HNRNPC: variants seen among roughly 807,000 people sequenced by gnomAD.
The protein encoded by HNRNPC is heterogeneous nuclear ribonucleoproteins C1/C2.
Under a neutral mutation model 33.2 loss-of-function variants are expected in HNRNPC, and 3 were observed. The ratio of observed to expected loss-of-function variants is 0.09; its 90% CI spans 0.04 to 0.23. The LOEUF (loss-of-function observed/expected upper bound fraction) is 0.23, where lower values mean the gene tolerates loss of function less well. Ranked by LOEUF, HNRNPC falls within the 10% of genes least tolerant of loss-of-function variation. The pLI is 1.00. For synonymous variants in HNRNPC, 121 were observed against 126.7 expected (o/e 0.96, Z 0.30); for missense variants, 143 against 366.7 (o/e 0.39, Z 4.98).
At chr14:21,262,466 G>C (rs1878402019) in intron 2 of HNRNPC, 1 of 152,216 alleles carries the variant, frequency 6.6e-6, no homozygotes, top group South Asian at 2.1e-4. Context: ...GTCCCCCTTG[G>C]GAAACACCTC....
At chr14:21,267,095 CAAAAAAAAAAAAAAAAAAA>C (rs56203257) in intron 1 of HNRNPC, among the ~76,000 whole-genome samples, 2 of 104,050 alleles carry the variant, frequency 1.9e-5, no homozygotes, top group African/African-American at 3.6e-5. Flanking sequence ...GACTCCGTCT[CAAAAAAAAAAAAAAAAAAA>C]AAAAAAAAAA....
intron 2 of HNRNPC, among the ~76,000 whole-genome samples, chr14:21,260,362 TCTTA>T (rs1249428821): frequency 7.8e-6 from 1 of 128,654 alleles, no homozygotes; most frequent in Non-Finnish European, 1.6e-5. Flanking sequence ...CGAGACTCCG[TCTTA>T]TTTAAAAAAA....
At chr14:21,239,644 C>T (rs8012227) in intron 2 of HNRNPC, among the ~76,000 whole-genome samples, 23,275 of 152,080 alleles carry the variant, frequency 0.15, 2,262 homozygotes, top group South Asian at 0.23. Flanking sequence ...GAGGCTGAGG[C>T]GAGCAAATCA....
intron 5 of HNRNPC, among the ~76,000 whole-genome samples, chr14:21,229,028 T>G (rs1159378428): frequency 6.8e-6 from 1 of 146,152 alleles, no homozygotes; most frequent in Non-Finnish European, 1.5e-5. Context: ...TATGTTGCAG[T>G]GAGCCAAAAT....
At chr14:21,232,650 A>G (rs1894241988) in intron 3 of HNRNPC, among the ~76,000 whole-genome samples, 1 of 152,192 alleles carries the variant, frequency 6.6e-6, no homozygotes, top group African/African-American at 2.4e-5. Context: ...TACAGGCATG[A>G]GCCACCGAAC....
chr14:21,221,208 T>C (rs1892792179), intron 5 of HNRNPC, among the ~76,000 whole-genome samples: 1 of 152,244 alleles, frequency 6.6e-6, no homozygotes, highest in African/African-American at 2.4e-5. Context: ...TACAGATGAC[T>C]TTCTCCTATT....
chr14:21,216,584 C>G (rs1220106043), intron 5 of HNRNPC, among the ~76,000 whole-genome samples: 1 of 152,056 alleles, frequency 6.6e-6, no homozygotes, highest in Non-Finnish European at 1.5e-5. Flanking sequence ...TGGCACATTC[C>G]TATAATCTCA....
intron 2 of HNRNPC, among the ~76,000 whole-genome samples, chr14:21,251,402 G>A (rs1896657345): frequency 6.6e-6 from 1 of 152,004 alleles, no homozygotes; most frequent in Non-Finnish European, 1.5e-5. Context: ...CTTGCAGCCA[G>A]GTGTGGTGGC....
chr14:21,238,394 A>C (rs1894963102), intron 2 of HNRNPC, among the ~76,000 whole-genome samples: 1 of 152,228 alleles, frequency 6.6e-6, no homozygotes, highest in Non-Finnish European at 1.5e-5. Flanking sequence ...ACAGTACAGA[A>C]ACACATCAAA....
At chr14:21,229,078 C>T (rs1893802066) in intron 5 of HNRNPC, among the ~76,000 whole-genome samples, 1 of 137,936 alleles carries the variant, frequency 7.2e-6, no homozygotes, top group African/African-American at 2.7e-5. Flanking sequence ...GAGGAAAATT[C>T]CGTATTTAAA....
intron 4 of HNRNPC, 177 bp downstream of exon 4, chr14:21,230,820 T>C: frequency 3.1e-6 from 2 of 640,808 alleles, no homozygotes; most frequent in Non-Finnish European, 5.1e-6. Context: ...AAAAGAGACA[T>C]ATTAACACAA....
intron 3 of HNRNPC, among the ~76,000 whole-genome samples, chr14:21,232,305 A>C (rs1003402989): frequency 1.3e-5 from 2 of 152,204 alleles, no homozygotes; most frequent in Non-Finnish European, 2.9e-5. Flanking sequence ...GCTTTTATTA[A>C]AATGAGCTTC....
chr14:21,242,343 G>C (rs1895448889), intron 2 of HNRNPC, among the ~76,000 whole-genome samples: 1 of 152,068 alleles, frequency 6.6e-6, no homozygotes, highest in Non-Finnish European at 1.5e-5. Flanking sequence ...AATTAGCTGG[G>C]CGTGATGTCA....
At position 21,230,326 on chromosome 14, in the gene HNRNPC, A is replaced by G. The variant is rs1236524340; in HGVS notation, c.358T>C (p.Tyr120His). 1.9e-6 allele frequency: 3 copies of G among 1,605,346 alleles called. No homozygotes were observed. Among genetic ancestry groups the G allele is most frequent in the Non-Finnish European group, 2.6e-6 (3 of 1,172,604 alleles). The change falls in exon 5 of 9, where the codon TAT becomes CAT. Residue 120 changes from tyrosine to histidine, a missense_variant. By Grantham distance (83) the Tyr-to-His change is moderately conservative (BLOSUM62 2). Transcript: ENST00000553300. ...CAAAACATTTTAACATACCTATCAT[A>G]ATAGTCCCGTTGAAAGTCATAGTCC... ...DLDYDFQRDY[Y>H]DRMYSYPARV...
At chr14:21,251,260 C>CAAAAAAA (rs71419116) in intron 2 of HNRNPC, among the ~76,000 whole-genome samples, 20 of 49,480 alleles carry the variant, frequency 4.0e-4, no homozygotes, top group African/African-American at 1.6e-3. Context: ...GACTCCCTCT[C>CAAAAAAA]AAAAAAAAAA....
chr14:21,247,904 T>C (rs1896175664), intron 2 of HNRNPC, among the ~76,000 whole-genome samples: 1 of 150,130 alleles, frequency 6.7e-6, no homozygotes. Context: ...TGAGAAAGAA[T>C]CGCCAGAACA....
chr14:21,254,180 G>T (rs1381920214), intron 2 of HNRNPC, among the ~76,000 whole-genome samples: 1 of 151,844 alleles, frequency 6.6e-6, no homozygotes, highest in East Asian at 1.9e-4. Context: ...ATGCACAACT[G>T]TAGTTTTGAC....
chr14:21,257,624 C>T (rs1877459530), intron 2 of HNRNPC, among the ~76,000 whole-genome samples: 1 of 151,996 alleles, frequency 6.6e-6, no homozygotes, highest in South Asian at 2.1e-4. Context: ...TCACTCTTGT[C>T]ACCCAGGCTG....
intron 2 of HNRNPC, chr14:21,236,252 C>A (rs1894685841): frequency 6.6e-6 from 1 of 152,130 alleles, no homozygotes; most frequent in African/African-American, 2.4e-5. Context: ...GATATGATTT[C>A]TCATTTTCTT....
Sources: allele counts gnomAD v4.1 joint callset (sites outside exome capture counted in the v4.1 genomes callset), GRCh38; gene constraint gnomAD v4.1.1; transcripts MANE v1.5; gene names NCBI Gene and HGNC (gene_info 2026-07-23, HGNC 2026-07-21).